Variants in PPP1R1C observed in about 807,000 individuals in gnomAD.
PPP1R1C encodes the protein protein phosphatase 1 regulatory subunit 1C.
PPP1R1C carries 15 observed loss-of-function variants against 17.4 expected under a neutral mutation model. That is an observed-to-expected ratio of 0.86 (90% CI 0.58 to 1.33). The LOEUF (loss-of-function observed/expected upper bound fraction) is 1.33, where lower values mean the gene tolerates loss of function less well. Among genes scored for constraint, PPP1R1C ranks in the 40% most tolerant of loss-of-function variants. PPP1R1C has a pLI of 0.00. For synonymous variants in PPP1R1C, 35 were observed against 43.1 expected, an observed-to-expected ratio of 0.81 and a Z score of 0.73; for missense variants, 143 against 130.0, an observed-to-expected ratio of 1.10 and a Z score of -0.48.
At chr2:182,027,265 G>C (rs1189805134) in intron 2 of PPP1R1C, among the ~76,000 whole-genome samples, 1 of 126,574 alleles carries the variant, frequency 7.9e-6, no homozygotes, top group East Asian at 2.3e-4. Flanking sequence ...GGAGTGGTGA[G>C]AGAGGGCATC....
chr2:182,084,793 A>G (rs1688579844), intron 4 of PPP1R1C, among the ~76,000 whole-genome samples: 1 of 152,132 alleles, frequency 6.6e-6, no homozygotes, highest in East Asian at 1.9e-4. Context: ...CTGTGAAAAA[A>G]TGATGTTGAT....
chr2:182,088,443 T>G (rs1688691975), intron 4 of PPP1R1C, among the ~76,000 whole-genome samples: 1 of 152,160 alleles, frequency 6.6e-6, no homozygotes, highest in Non-Finnish European at 1.5e-5. Flanking sequence ...CTAGTAACCA[T>G]TGTTGGATAA....
At chr2:182,087,886 T>C (rs1688674763) in intron 4 of PPP1R1C, among the ~76,000 whole-genome samples, 2 of 152,206 alleles carry the variant, frequency 1.3e-5, no homozygotes, top group African/African-American at 2.4e-5. Flanking sequence ...ACAAAGGTAA[T>C]GCATAATAGT....
At chr2:182,085,016 TA>T (rs1249166710) in intron 4 of PPP1R1C, among the ~76,000 whole-genome samples, 2 of 152,126 alleles carry the variant, frequency 1.3e-5, no homozygotes, top group Non-Finnish European at 2.9e-5. Flanking sequence ...TTTTGGCAGC[TA>T]TTGTTAGAGA....
chr2:182,086,569 A>C (rs1688636303), intron 4 of PPP1R1C, among the ~76,000 whole-genome samples: 1 of 152,224 alleles, frequency 6.6e-6, no homozygotes. Context: ...AAGTGAAAAA[A>C]GCTGGATTCA....
intron 2 of PPP1R1C, among the ~76,000 whole-genome samples, chr2:182,060,403 G>C (rs1449244761): frequency 6.6e-6 from 1 of 152,014 alleles, no homozygotes; most frequent in East Asian, 1.9e-4. Context: ...TGTATACACT[G>C]CTTTTTTGTT....
At chr2:182,105,070 A>C (rs1221169991) in intron 4 of PPP1R1C, among the ~76,000 whole-genome samples, 1 of 152,166 alleles carries the variant, frequency 6.6e-6, no homozygotes. Flanking sequence ...GTAAAAAAAA[A>C]TGAGGGGTGG....
At chr2:182,112,690 A>T (rs1313558175) in intron 4 of PPP1R1C, among the ~76,000 whole-genome samples, 2 of 152,126 alleles carry the variant, frequency 1.3e-5, no homozygotes, top group South Asian at 4.1e-4. Flanking sequence ...ATTCAAATTC[A>T]TAATTACTTG....
In PPP1R1C at chr2:181,976,915, A is replaced by T. The variant is rs1295715917; in HGVS notation, n.157+1651A>T. Among the ~76,000 whole-genome samples the T allele has an allele frequency of 2.6e-5, 4 of 151,840 alleles. No homozygotes were observed. The highest frequency in any genetic ancestry group is 5.9e-5 in the Non-Finnish European group (4 of 67,958). Reference sequence around the variant, plus strand: ...CACTTTGGGATGCTGAGGCAGGTGGATCACTTGAGGCCAGGAGTTCAAGAC... The same window carrying T: ...CACTTTGGGATGCTGAGGCAGGTGGTTCACTTGAGGCCAGGAGTTCAAGAC... On this transcript the variant is annotated intron_variant and non_coding_transcript_variant, in intron 2 of 5. Transcript: ENST00000464264. This position sits in a 1 kb window ranked among gnomAD's most constrained non-coding sequence, Gnocchi z 4.8.
intron 1 of PPP1R1C, among the ~76,000 whole-genome samples, chr2:181,969,127 T>C (rs1457529466): frequency 1.3e-5 from 2 of 152,198 alleles, no homozygotes; most frequent in Admixed American, 1.3e-4. Flanking sequence ...ACTCAATATA[T>C]GAGTAGTTTA....
intron 2 of PPP1R1C, among the ~76,000 whole-genome samples, chr2:182,022,168 C>A (rs948839444): frequency 1.3e-5 from 2 of 152,086 alleles, no homozygotes; most frequent in Non-Finnish European, 2.9e-5. Context: ...TTAAAGAAAC[C>A]ACTACATGCT....
intron 4 of PPP1R1C, among the ~76,000 whole-genome samples, chr2:182,099,524 A>T (rs1326850072): frequency 1.3e-5 from 2 of 152,212 alleles, no homozygotes; most frequent in African/African-American, 4.8e-5. Context: ...TACAAGGATA[A>T]TTTAGGCAAG....
chr2:182,031,708 A>G (rs908890853), intron 2 of PPP1R1C, among the ~76,000 whole-genome samples: 1 of 152,214 alleles, frequency 6.6e-6, no homozygotes, highest in Non-Finnish European at 1.5e-5. Context: ...GACCACACAC[A>G]TTGTTTTCCC....
At chr2:182,060,107 A>G (rs1687807512) in intron 2 of PPP1R1C, among the ~76,000 whole-genome samples, 1 of 152,282 alleles carries the variant, frequency 6.6e-6, no homozygotes, top group African/African-American at 2.4e-5. Context: ...ACATACTTAC[A>G]GTCATTGCAT....
chr2:181,964,201 A>AAAGT (rs1292373915), intron 1 of PPP1R1C, among the ~76,000 whole-genome samples: 1 of 152,196 alleles, frequency 6.6e-6, no homozygotes, highest in Non-Finnish European at 1.5e-5. Context: ...CAAAAAATGG[A>AAAGT]GAACATACAA....
intron 1 of PPP1R1C, among the ~76,000 whole-genome samples, chr2:181,963,827 A>G (rs745867124): frequency 1.3e-5 from 2 of 151,834 alleles, no homozygotes; most frequent in Admixed American, 6.6e-5. Context: ...AAAAAATTTC[A>G]TGAGTACACA....
At chr2:182,095,931 C>T (rs994976851) in intron 4 of PPP1R1C, among the ~76,000 whole-genome samples, 3 of 150,914 alleles carry the variant, frequency 2.0e-5, no homozygotes, top group Non-Finnish European at 4.4e-5. Context: ...GCCAAGATCG[C>T]GCCACTGCAC....
chr2:182,089,927 T>A (rs1688733752), intron 4 of PPP1R1C, among the ~76,000 whole-genome samples: 1 of 152,046 alleles, frequency 6.6e-6, no homozygotes, highest in African/African-American at 2.4e-5. Flanking sequence ...TACAGCAATT[T>A]TAATATATTT....
chr2:182,096,302 C>T, intron 4 of PPP1R1C, among the ~76,000 whole-genome samples: 1 of 152,088 alleles, frequency 6.6e-6, no homozygotes, highest in East Asian at 1.9e-4. Context: ...GTCATATGAC[C>T]CTACTTTCAG....
Sources: allele counts gnomAD v4.1 joint callset (sites outside exome capture counted in the v4.1 genomes callset), GRCh38; gene constraint gnomAD v4.1.1; non-coding constraint Gnocchi (gnomAD v3.1); transcripts MANE v1.5; gene names NCBI Gene and HGNC (gene_info 2026-07-23, HGNC 2026-07-21).